SLC9A9: variants seen among roughly 807,000 people sequenced by gnomAD.
SLC9A9 encodes sodium/hydrogen exchanger 9.
In SLC9A9, 62 loss-of-function variants were observed where a neutral mutation model predicts 77.8. The ratio of observed to expected loss-of-function variants is 0.80; its 90% CI spans 0.65 to 0.98. The LOEUF is 0.98. Among genes scored for constraint, SLC9A9 ranks in the 50% least tolerant of loss-of-function variants. The pLI, the probability that SLC9A9 is intolerant of heterozygous loss-of-function variation, is 0.00. For missense variants in SLC9A9, 775 were observed against 774.9 expected, an observed-to-expected ratio of 1.00 and a Z score of 0.00; for synonymous variants, 320 against 283.5, an observed-to-expected ratio of 1.13 and a Z score of -1.29.
chr3:143,717,233 G>A (rs1190884498), intron 4 of SLC9A9, among the ~76,000 whole-genome samples: 2 of 152,188 alleles, frequency 1.3e-5, no homozygotes, highest in East Asian at 3.9e-4. Context: ...GGGGAGGCAG[G>A]TGCTGAGATT....
chr3:143,630,999 T>C (rs528618787), intron 6 of SLC9A9, among the ~76,000 whole-genome samples: 124 of 152,272 alleles, frequency 8.1e-4, no homozygotes, highest in African/African-American at 2.9e-3. Context: ...ATTGCAAATT[T>C]GACAAGCCTG....
chr3:143,395,068 T>C (rs1168367117), intron 12 of SLC9A9, among the ~76,000 whole-genome samples: 1 of 152,196 alleles, frequency 6.6e-6, no homozygotes, highest in Non-Finnish European at 1.5e-5. Context: ...AAGCTACCAA[T>C]GACTTTCTTC....
At chr3:143,645,961 A>G (rs887726324) in intron 6 of SLC9A9, among the ~76,000 whole-genome samples, 9 of 151,968 alleles carry the variant, frequency 5.9e-5, no homozygotes, top group Non-Finnish European at 1.3e-4. Context: ...AGGTTTCAGT[A>G]CAACAATAGC....
At chr3:143,462,283 G>C (rs779498822) in intron 12 of SLC9A9, among the ~76,000 whole-genome samples, 2 of 152,104 alleles carry the variant, frequency 1.3e-5, no homozygotes, top group Non-Finnish European at 2.9e-5. Flanking sequence ...TGAGGCAGGA[G>C]GATCACTTGA....
At chr3:143,616,731 G>C (rs778894124) in intron 6 of SLC9A9, among the ~76,000 whole-genome samples, 2 of 152,074 alleles carry the variant, frequency 1.3e-5, no homozygotes, top group African/African-American at 4.8e-5. Context: ...TGGCCTAGGA[G>C]GCTAACAACT....
At chr3:143,725,032 C>A (rs887582738) in intron 4 of SLC9A9, among the ~76,000 whole-genome samples, 14 of 152,324 alleles carry the variant, frequency 9.2e-5, no homozygotes, top group Admixed American at 5.2e-4. Flanking sequence ...CCAGCCCCCC[C>A]ACTGCCTGGG....
chr3:143,837,755 T>C lies in SLC9A9; in HGVS notation c.176-5534A>G, dbSNP rs144523842. On this transcript the variant is annotated intron_variant, in intron 1 of 15. Transcript: ENST00000316549. Reference sequence around the variant, plus strand: ...GAATGGGTATGTGACCCTATTCCTGTCAATAAGAAGTGAAGGGAATTTGCT... The same window carrying C: ...GAATGGGTATGTGACCCTATTCCTGCCAATAAGAAGTGAAGGGAATTTGCT... Among the ~76,000 whole-genome samples the C allele has an allele frequency of 6.4e-3, 969 of 152,302 alleles. 9 individuals are homozygous for C. The highest frequency in any genetic ancestry group is 0.022 in the African/African-American group (924 of 41,550).
chr3:143,811,656 G>A (rs930287550), intron 2 of SLC9A9: 3 of 454,060 alleles, frequency 6.6e-6, no homozygotes, highest in Admixed American at 2.4e-5. Flanking sequence ...GACCAGCCCA[G>A]CCAACATGGC....
chr3:143,428,560 T>C (rs557772495), intron 12 of SLC9A9, among the ~76,000 whole-genome samples: 1 of 152,316 alleles, frequency 6.6e-6, no homozygotes, highest in African/African-American at 2.4e-5. Context: ...AGAAGTACTA[T>C]ATGATCCAGC....
intron 1 of SLC9A9, among the ~76,000 whole-genome samples, chr3:143,837,689 C>T (rs2009603224): frequency 6.6e-6 from 1 of 152,156 alleles, no homozygotes; most frequent in Non-Finnish European, 1.5e-5. Context: ...CTCACTCCAG[C>T]TCCGGGGATG....
intron 11 of SLC9A9, among the ~76,000 whole-genome samples, chr3:143,491,384 A>C (rs2035742307): frequency 6.6e-6 from 1 of 152,218 alleles, no homozygotes; most frequent in African/African-American, 2.4e-5. Context: ...GATTATATAT[A>C]GTTCACAACT....
chr3:143,519,735 G>A (rs560213125), intron 9 of SLC9A9, among the ~76,000 whole-genome samples: 5 of 152,134 alleles, frequency 3.3e-5, no homozygotes, highest in Admixed American at 6.5e-5. Context: ...GGGCGAGTGA[G>A]AAGAGACACA....
intron 14 of SLC9A9, among the ~76,000 whole-genome samples, chr3:143,278,098 T>C (rs1318052710): frequency 6.6e-6 from 1 of 152,154 alleles, no homozygotes; most frequent in Non-Finnish European, 1.5e-5. Flanking sequence ...GCAGAGGACA[T>C]GAACTCATGG....
chr3:143,274,122 CT>C (rs1415947200), intron 14 of SLC9A9, among the ~76,000 whole-genome samples: 5 of 152,142 alleles, frequency 3.3e-5, no homozygotes, highest in Non-Finnish European at 4.4e-5. Flanking sequence ...CATATCTCAG[CT>C]TGTGGAAGAA....
intron 6 of SLC9A9, among the ~76,000 whole-genome samples, chr3:143,598,656 A>G (rs2037799189): frequency 6.6e-6 from 1 of 152,254 alleles, no homozygotes; most frequent in Non-Finnish European, 1.5e-5. Flanking sequence ...GATGGGGCTC[A>G]GTACTTGTTT....
At chr3:143,541,454 A>G (rs2108630118) in intron 9 of SLC9A9, among the ~76,000 whole-genome samples, 1 of 152,378 alleles carries the variant, frequency 6.6e-6, no homozygotes, top group East Asian at 1.9e-4. Flanking sequence ...GCCACCCAGC[A>G]AAGCTGATAC....
At chr3:143,758,687 G>A (rs2007010899) in intron 4 of SLC9A9, among the ~76,000 whole-genome samples, 1 of 152,128 alleles carries the variant, frequency 6.6e-6, no homozygotes, top group South Asian at 2.1e-4. Flanking sequence ...GGGAAAGTCA[G>A]GAAGTGTAAA....
intron 4 of SLC9A9, among the ~76,000 whole-genome samples, chr3:143,762,750 C>T (rs1053274339): frequency 6.6e-6 from 1 of 152,154 alleles, no homozygotes; most frequent in Non-Finnish European, 1.5e-5. Context: ...GCCTGAAGAA[C>T]AAGAGTCCCA....
intron 2 of SLC9A9, among the ~76,000 whole-genome samples, chr3:143,802,163 C>T (rs1560086801): frequency 6.6e-6 from 1 of 152,156 alleles, no homozygotes; most frequent in Admixed American, 6.6e-5. Context: ...AATCTCTTTC[C>T]ACATAAGGCA....
Sources: allele counts gnomAD v4.1 joint callset (sites outside exome capture counted in the v4.1 genomes callset), GRCh38; gene constraint gnomAD v4.1.1; transcripts MANE v1.5; gene names NCBI Gene and HGNC (gene_info 2026-07-23, HGNC 2026-07-21).